Variants in CES4A observed in about 807,000 individuals in gnomAD.
The protein encoded by CES4A is carboxylesterase 4A.
Under a neutral mutation model 65.4 loss-of-function variants are expected in CES4A, and 48 were observed. The ratio of observed to expected loss-of-function variants is 0.73; its 90% CI spans 0.58 to 0.93. CES4A has a LOEUF of 0.93. Ranked by LOEUF, CES4A falls within the 40% of genes least tolerant of loss-of-function variation. CES4A has a pLI of 0.00. For missense variants in CES4A, 685 were observed against 728.5 expected (o/e 0.94, Z 0.69); for synonymous variants, 247 against 281.8 (o/e 0.88, Z 1.24).
intron 11 of CES4A, chr16:67,006,135 G>C (rs1303732706): frequency 6.5e-6 from 3 of 460,832 alleles, no homozygotes; most frequent in Admixed American, 3.3e-5. Context: ...CATGATCCTG[G>C]CCACAATCCT....
rs185571861 is a variant in CES4A at position 66,992,141 on chromosome 16, G to T, written c.58+3311G>T. ...GCTGTGTCCTGTGAGACTGCAGGCT[G>T]GTCACGGCCCCCCTCTGGGTCTTTG... On this transcript the variant is annotated intron_variant, in intron 1 of 13. Coordinates refer to ENST00000648724, the Ensembl canonical transcript of CES4A. Among the ~76,000 whole-genome samples the T allele has an allele frequency of 2.4e-3, 369 of 152,336 alleles. 4 individuals are homozygous for T. Among genetic ancestry groups the T allele is most frequent in the South Asian group, 7.2e-3 (35 of 4,828 alleles).
intron 13 of CES4A, 117 bp downstream of exon 13, chr16:67,006,934 A>G (rs1211664556): frequency 3.4e-6 from 3 of 887,514 alleles, no homozygotes; most frequent in African/African-American, 1.7e-5. Flanking sequence ...CAGTCGGCCC[A>G]AACAGGGTGC....
chr16:66,998,864 C>CAA (rs1053466447), intron 2 of CES4A, among the ~76,000 whole-genome samples: 1 of 127,204 alleles, frequency 7.9e-6, no homozygotes, highest in Non-Finnish European at 1.7e-5. Flanking sequence ...CCATCTCAAA[C>CAA]AAAAAAAAAA....
At position 67,001,119 on chromosome 16, in the gene CES4A, G is replaced by T. The variant is rs988246642; in HGVS notation, c.536+129G>T. The T allele has an allele frequency of 2.9e-4, 395 of 1,344,216 alleles. 2 individuals are homozygous for T. The highest frequency in any genetic ancestry group is 3.5e-4 in the Non-Finnish European group (347 of 1,003,374). 83.3% of individuals were successfully genotyped at this position (1,344,216 alleles called of 1,614,324 possible). A position where few individuals can be genotyped will look rare whatever the true frequency, so the allele number is the denominator to read the frequency against. On this transcript the variant is annotated intron_variant, in intron 4 of 13. Coordinates refer to ENST00000648724, the Ensembl canonical transcript of CES4A. The surrounding 1 kb of genome is among the most constrained non-coding windows in gnomAD (Gnocchi z 4.1). Reference sequence around the variant, plus strand: ...CCGCGAGGCGGGGGCGGGGCCTGGCGCTCGGTGGAAGGGGCGGGCGCTCCA... The same window carrying T: ...CCGCGAGGCGGGGGCGGGGCCTGGCTCTCGGTGGAAGGGGCGGGCGCTCCA...
chr16:66,996,350 T>C (rs974395942), intron 2 of CES4A, among the ~76,000 whole-genome samples: 4 of 152,128 alleles, frequency 2.6e-5, no homozygotes, highest in Admixed American at 6.6e-5. Context: ...GTTGGTTTCT[T>C]AGAGGAGAGC....
rs1435807321 is a variant in CES4A at position 67,003,464 on chromosome 16, A to T, written c.901-51A>T. 3 of 1,597,798 alleles carry T rather than the reference A, an allele frequency of 1.9e-6. No individual in the cohort carries two copies. The highest frequency in any genetic ancestry group is 2.6e-6 in the Non-Finnish European group (3 of 1,165,388). On this transcript the variant is annotated intron_variant, in intron 7 of 13. Transcript: ENST00000648724. The surrounding 1 kb of genome is among the most constrained non-coding windows in gnomAD (Gnocchi z 4.2). ...ACTTCCCCAGGGACCCTGTCTCAAG[A>T]GCACACGAGGGAGACTTCCTTTAAC...
Position 67,001,257 on chromosome 16 carries a change from C to G in CES4A, c.537-51C>G, listed in dbSNP as rs114485334. ...GGAAGCCCAGGAGGGCAGCCCAACG[C>G]GCCCCGACTGTCGAGGCCCGGGACC... On this transcript the variant is annotated intron_variant, in intron 4 of 13. Coordinates refer to ENST00000648724, the Ensembl canonical transcript of CES4A. The surrounding 1 kb of genome is among the most constrained non-coding windows in gnomAD (Gnocchi z 4.1). 1 of 1,526,354 alleles carries G rather than the reference C, an allele frequency of 6.6e-7. No individual in the cohort carries two copies. Among genetic ancestry groups the G allele is most frequent in the East Asian group, 2.3e-5 (1 of 43,094 alleles). The allele number at this position is 1,526,354 out of a possible 1,614,324, so 94.6% of individuals were successfully genotyped here.
rs964112317 is a variant in CES4A, at chr16:67,004,685, A to G, written c.1081-108A>G. 2.1e-5 allele frequency: 18 copies of G among 840,454 alleles called. No individual in the cohort carries two copies. In the African/African-American group the frequency reaches 2.5e-4, roughly 12 times the overall value. The allele number at this position is 840,454 out of a possible 1,614,324, so 52.1% of individuals were successfully genotyped here. A position where few individuals can be genotyped will look rare whatever the true frequency, so the allele number is the denominator to read the frequency against. On this transcript the variant is annotated intron_variant, in intron 9 of 13. Transcript: ENST00000648724. The stretch of plus-strand genomic sequence containing the variant: ...CTTCCTGGGCTGTGTGCTGTGTCTG[A>G]TAACTCATCATTAGATGGGCAAGAC...
At chr16:67,004,303 G>T (rs917920549) in intron 9 of CES4A, 79 bp downstream of exon 9, 15 of 1,523,412 alleles carry the variant, frequency 9.8e-6, no homozygotes, top group Non-Finnish European at 1.3e-5. Context: ...ATGCCTCTTG[G>T]ACGGTGCTGG....
chr16:66,994,594 C>A (rs1045229784), intron 1 of CES4A, among the ~76,000 whole-genome samples: 2 of 151,540 alleles, frequency 1.3e-5, no homozygotes, highest in African/African-American at 4.8e-5. Flanking sequence ...ATAATCCCAG[C>A]ACTTTGGGAG....
rs1597082850 is a variant in CES4A, at chr16:67,001,328, G to A, written c.557G>A (p.Arg186His). ...CCCAGCACGGACGACAGCCACGCGC[G>A]CGGGAACTGGGGGCTGCTGGACCAG... is the stretch of plus-strand genomic sequence containing the variant. The change falls in exon 5 of 14, where the codon CGC becomes CAC. Residue 186 changes from arginine (R) to histidine (H), a missense_variant. By Grantham distance (29) the Arg-to-His change is conservative. Coordinates refer to ENST00000648724, the Ensembl canonical transcript of CES4A. This position sits in a 1 kb window ranked among gnomAD's most constrained non-coding sequence, Gnocchi z 4.1. 6.2e-7 allele frequency: 1 copy of A among 1,611,046 alleles called. No homozygotes were observed. Among genetic ancestry groups the A allele is most frequent in the East Asian group, 2.2e-5 (1 of 44,864 alleles).
intron 1 of CES4A, among the ~76,000 whole-genome samples, chr16:66,995,107 C>T (rs940268061): frequency 2.0e-5 from 3 of 150,636 alleles, no homozygotes; most frequent in East Asian, 2.0e-4. Flanking sequence ...GTCAGGAGAT[C>T]GAGACCATCC....
At chr16:66,998,398 T>C (rs1965026507) in intron 2 of CES4A, among the ~76,000 whole-genome samples, 1 of 152,100 alleles carries the variant, frequency 6.6e-6, no homozygotes, top group African/African-American at 2.4e-5. Context: ...CATACCAACC[T>C]GGGCAACATA....
At chr16:67,009,794 C>A (rs898794852), downstream of CES4A, 5 of 152,240 alleles carry the variant, frequency 3.3e-5, no homozygotes, top group African/African-American at 1.2e-4. Flanking sequence ...CAATTTGAGC[C>A]CTGAGAGAAA....
At chr16:66,997,563 AAAG>A (rs1964952254) in intron 2 of CES4A, among the ~76,000 whole-genome samples, 1 of 152,180 alleles carries the variant, frequency 6.6e-6, no homozygotes, top group African/African-American at 2.4e-5. Context: ...AGCCACAAGG[AAAG>A]AAGAGGAATC....
At chr16:66,997,964 C>G (rs1964989090) in intron 2 of CES4A, among the ~76,000 whole-genome samples, 1 of 145,504 alleles carries the variant, frequency 6.9e-6, no homozygotes, top group Non-Finnish European at 1.5e-5. Context: ...CACACACACA[C>G]ACACACACAC....
intron 1 of CES4A, among the ~76,000 whole-genome samples, chr16:66,992,048 C>T (rs181258733): frequency 6.6e-6 from 1 of 152,372 alleles, no homozygotes; most frequent in Non-Finnish European, 1.5e-5. Flanking sequence ...TAGCTATTGG[C>T]TATTCCACCA....
chr16:67,005,067 G>A, intron 10 of CES4A, 173 bp from the exon 11 acceptor site: 1 of 787,880 alleles, frequency 1.3e-6, no homozygotes. Flanking sequence ...CAGTTATGCA[G>A]CAAAATCAGG....
In CES4A at chr16:67,003,964, C is replaced by G; in HGVS notation, c.940-120C>G. ...TCCTCCTGGGGCTCACCATGCCAGC[C>G]CCAGCCTTTTCCCAATCAAAGAACC... On this transcript the variant is annotated intron_variant, in intron 8 of 13. Transcript: ENST00000648724. The surrounding 1 kb of genome is among the most constrained non-coding windows in gnomAD (Gnocchi z 4.2). 1 of 1,072,872 alleles carries G rather than the reference C, an allele frequency of 9.3e-7. No homozygotes were observed. The highest frequency in any genetic ancestry group is 3.1e-4 in the Middle Eastern group (1 of 3,178). 66.5% of individuals were successfully genotyped at this position (1,072,872 alleles called of 1,614,324 possible). A position where few individuals can be genotyped will look rare whatever the true frequency, so the allele number is the denominator to read the frequency against.
Sources: allele counts gnomAD v4.1 joint callset (sites outside exome capture counted in the v4.1 genomes callset), GRCh38; gene constraint gnomAD v4.1.1; non-coding constraint Gnocchi (gnomAD v3.1); transcripts MANE v1.5; gene names NCBI Gene and HGNC (gene_info 2026-07-23, HGNC 2026-07-21).